PRPF3: variants seen among roughly 807,000 people sequenced by gnomAD.
PRPF3 encodes the protein pre-mRNA processing factor 3, also known as U4/U6 small nuclear ribonucleoprotein Prp3.
PRPF3 carries 3 observed loss-of-function variants against 89.2 expected under a neutral mutation model. That is an observed-to-expected ratio of 0.03 (90% CI 0.02 to 0.09). PRPF3 has a LOEUF of 0.09. PRPF3 is among the 10% of genes least tolerant of loss of function. The pLI is 1.00. For missense variants in PRPF3, 463 were observed against 828.8 expected (o/e 0.56, Z 5.42); for synonymous variants, 270 against 289.1 (o/e 0.93, Z 0.67).
rs111505888 is a variant in PRPF3, at chr1:150,335,219, T to C, written c.1013T>C (p.Ile338Thr). The C allele has an allele frequency of 6.2e-7, 1 of 1,614,048 alleles. No individual in the cohort carries two copies. Among genetic ancestry groups the C allele is most frequent in the Non-Finnish European group, 8.5e-7 (1 of 1,179,986 alleles). The change falls in exon 7 of 16, where the codon ATT becomes ACT. Residue 338 changes from isoleucine (I) to threonine (T), a missense_variant. By Grantham distance (89) the Ile-to-Thr change is moderately conservative. Coordinates refer to ENST00000324862, the MANE Select transcript of PRPF3 (RefSeq NM_004698.4). The part of the protein sequence containing the change: ...KFHDKGKFEK[I>T]AQRLRTKAQL... ...CATGACAAGGGCAAATTTGAGAAGA[T>C]TGCTCAGCGATTACGGACAAAGGTA... is the stretch of plus-strand genomic sequence containing the variant.
intron 8 of PRPF3, 117 bp downstream of exon 8, chr1:150,338,443 T>C: frequency 9.8e-7 from 1 of 1,025,532 alleles, no homozygotes; most frequent in South Asian, 1.4e-5. Flanking sequence ...TACTCATTCA[T>C]TAATTAAAAT....
At position 150,352,849 on chromosome 1, in the gene PRPF3, G is replaced by T; in HGVS notation, c.1922G>T (p.Arg641Leu). The T allele has an allele frequency of 6.2e-7, 1 of 1,614,086 alleles. No homozygotes were observed. The highest frequency in any genetic ancestry group is 8.5e-7 in the Non-Finnish European group (1 of 1,179,976). ...CTTTTCTAGGGTACAGCCAAAGACC[G>T]GAGCTTTGGAGAGATGAAGTTTAAA... ...VLVWEGTAKD[R>L]SFGEMKFKQC... Residue 641 changes from arginine to leucine, a missense_variant, in exon 16 of 16, where the codon CGG (arginine) becomes CTG (leucine). By Grantham distance (102) the Arg-to-Leu change is moderately radical. Around this residue, in one of 8 missense-constraint regions of PRPF3, gnomAD observed 78 missense variants for 96.6 expected, o/e 0.81. Transcript: ENST00000324862.
chr1:150,340,501 AG>A, intron 9 of PRPF3, 24 bp downstream of exon 9: 2 of 1,538,020 alleles, frequency 1.3e-6, no homozygotes, highest in South Asian at 2.2e-5. Context: ...TCCTGAATCA[AG>A]TCTCTAGAGC....
chr1:150,344,268 G>A lies in PRPF3; in HGVS notation c.1526+7G>A. 2 of 1,614,126 alleles carry A rather than the reference G, an allele frequency of 1.2e-6. No individual in the cohort carries two copies. The highest frequency in any genetic ancestry group is 1.7e-6 in the Non-Finnish European group (2 of 1,179,998). On this transcript the variant is annotated splice_region_variant and intron_variant, in intron 11 of 15. Transcript: ENST00000324862. ...AGATGGCAAAAAGACAGAAGTAAGTGCCATGGGATTGGGTGGAAACCTCGG... is the reference window on the plus strand; with the variant it reads ...AGATGGCAAAAAGACAGAAGTAAGTACCATGGGATTGGGTGGAAACCTCGG...
At position 150,329,037 on chromosome 1, in the gene PRPF3, C is replaced by CTTTTTT. The variant is rs113875026; in HGVS notation, c.423+576_423+581dup. ...ATTAGTGTTTAGCATTTGGGGTAAACTTTTTTTTTTGAGATAGAGTTTCAC... is the reference window on the plus strand; with the variant it reads ...ATTAGTGTTTAGCATTTGGGGTAAACTTTTTTTTTTTTTTTTGAGATAGAGTTTCAC... On this transcript the variant is annotated intron_variant, in intron 4 of 15. Coordinates refer to ENST00000324862, the MANE Select transcript of PRPF3 (RefSeq NM_004698.4). 4.2e-3 allele frequency among the ~76,000 whole-genome samples: 592 copies of CTTTTTT among 140,402 alleles called. 11 individuals carry two copies. The highest frequency in any genetic ancestry group is 4.3e-3 in the Admixed American group (59 of 13,798). The allele number at this position is 140,402 out of a possible 152,430, so 92.1% of individuals were successfully genotyped here.
At chr1:150,348,460 A>ATTTTTGTTTTTTTTTTTTT (rs1658532195) in intron 14 of PRPF3, among the ~76,000 whole-genome samples, 1 of 48,464 alleles carries the variant, frequency 2.1e-5, no homozygotes, top group Non-Finnish European at 3.5e-5. Flanking sequence ...CTACACGTGC[A>ATTTTTGTTTTTTTTTTTTT]TTTTTTTTTT....
Position 150,342,427 on chromosome 1 carries a change from C to T in PRPF3, c.1283-882C>T, listed in dbSNP as rs149214519. 4.5e-3 allele frequency among the ~76,000 whole-genome samples: 688 copies of T among 152,208 alleles called. 2 individuals carry two copies. Among genetic ancestry groups the T allele is most frequent in the Non-Finnish European group, 7.9e-3 (535 of 67,996 alleles). Reference sequence around the variant, plus strand: ...TTTTTTAAAAACATAGCCATATTGCCGGGCACCAGGCCTGAACTGATTTTA... The same window carrying T: ...TTTTTTAAAAACATAGCCATATTGCTGGGCACCAGGCCTGAACTGATTTTA... On this transcript the variant is annotated intron_variant, in intron 9 of 15. Coordinates refer to ENST00000324862, the MANE Select transcript of PRPF3 (RefSeq NM_004698.4).
At chr1:150,338,351 A>T (rs11806171) in intron 8 of PRPF3, 25 bp downstream of exon 8, 3 of 1,606,970 alleles carry the variant, frequency 1.9e-6, no homozygotes, top group East Asian at 4.5e-5. Flanking sequence ...GTACCTTTTT[A>T]AAAAAACAGT....
At chr1:150,336,436 G>A (rs6679726) in intron 7 of PRPF3, among the ~76,000 whole-genome samples, 7,185 of 152,090 alleles carry the variant, frequency 0.047, 430 homozygotes, top group African/African-American at 0.13. Flanking sequence ...CTGTTGGGTT[G>A]GGGACCCCTG....
intron 15 of PRPF3, 123 bp downstream of exon 15, chr1:150,349,341 CT>C (rs1420455048): frequency 2.5e-6 from 2 of 810,778 alleles, no homozygotes; most frequent in African/African-American, 3.4e-5. Flanking sequence ...ATTTATGTTT[CT>C]TTTTGGAATC....
intron 6 of PRPF3, among the ~76,000 whole-genome samples, chr1:150,333,845 G>T (rs1415851141): frequency 6.6e-6 from 1 of 152,094 alleles, no homozygotes; most frequent in Non-Finnish European, 1.5e-5. Flanking sequence ...TCTGCAACTG[G>T]TCAAAGATGT....
chr1:150,328,525 A>C (rs782021576), intron 4 of PRPF3, 59 bp downstream of exon 4: 1 of 1,078,170 alleles, frequency 9.3e-7, no homozygotes, highest in Non-Finnish European at 1.4e-6. Context: ...CAAAAGGTGC[A>C]TGGGTCTGTA....
At chr1:150,344,684 A>G in intron 12 of PRPF3, 137 bp downstream of exon 12, 1 of 920,060 alleles carries the variant, frequency 1.1e-6, no homozygotes, top group South Asian at 1.5e-5. Flanking sequence ...AGTGTGGATC[A>G]AGAGCTAGTA....
chr1:150,329,290 A>G (rs1462392535), intron 4 of PRPF3, among the ~76,000 whole-genome samples: 1 of 152,092 alleles, frequency 6.6e-6, no homozygotes, highest in Non-Finnish European at 1.5e-5. Context: ...CAGCCGCCCA[A>G]ATGGCTGGGA....
At position 150,346,362 on chromosome 1, in the gene PRPF3, C is replaced by T. The variant is rs200782939; in HGVS notation, c.1760-46C>T. On this transcript the variant is annotated intron_variant, in intron 13 of 15. Transcript: ENST00000324862. ...CTGAGCTCAGAGGTTCTTTCTACCCCATCATCTTCCACAGTTCTGGCAAAA... is the reference window on the plus strand; with the variant it reads ...CTGAGCTCAGAGGTTCTTTCTACCCTATCATCTTCCACAGTTCTGGCAAAA... 13 of 1,554,632 alleles carry T rather than the reference C, an allele frequency of 8.4e-6. No individual in the cohort carries two copies. In the East Asian group the frequency reaches 2.0e-4, roughly 24 times the overall value.
chr1:150,326,860 T>TA (rs1655776096), intron 3 of PRPF3, among the ~76,000 whole-genome samples: 1 of 152,112 alleles, frequency 6.6e-6, no homozygotes, highest in African/African-American at 2.4e-5. Flanking sequence ...GCCCAGGAGT[T>TA]ACAATTTAGA....
At chr1:150,344,917 C>T (rs1658129279) in intron 12 of PRPF3, among the ~76,000 whole-genome samples, 1 of 149,518 alleles carries the variant, frequency 6.7e-6, no homozygotes, top group African/African-American at 2.5e-5. Context: ...TCTGAGTTTG[C>T]TTCCAACATC....
intron 12 of PRPF3, among the ~76,000 whole-genome samples, chr1:150,345,343 T>TTTTA (rs200871113): frequency 0.02 from 3,045 of 151,522 alleles, 124 homozygotes; most frequent in African/African-American, 0.07. Flanking sequence ...TATATATATA[T>TTTTA]TTTATTTATT....
At chr1:150,326,774 T>G (rs587706184) in intron 3 of PRPF3, among the ~76,000 whole-genome samples, 1 of 152,194 alleles carries the variant, frequency 6.6e-6, no homozygotes, top group African/African-American at 2.4e-5. Flanking sequence ...TTAAAACAAT[T>G]TGTAATTTGT....
Sources: gnomAD v4.1 joint callset for allele counts (sites outside exome capture counted in the v4.1 genomes callset) on GRCh38, gnomAD v4.1.1 for gene constraint, gnomAD v4.1.1 regional missense constraint, MANE v1.5 for transcripts, NCBI Gene and HGNC (gene_info 2026-07-23, HGNC 2026-07-21) for gene names.